Variants in TCF12 observed in about 807,000 individuals in gnomAD.
The protein encoded by TCF12 is transcription factor 12.
Under a neutral mutation model 86.0 loss-of-function variants are expected in TCF12, and 45 were observed. The ratio of observed to expected loss-of-function variants is 0.52; its 90% CI spans 0.41 to 0.67. The LOEUF (loss-of-function observed/expected upper bound fraction) is 0.67. TCF12 is among the 30% of genes least tolerant of loss of function. The pLI, the probability that TCF12 is intolerant of heterozygous loss-of-function variation, is 0.00. For synonymous variants in TCF12, 330 were observed against 299.6 expected, an observed-to-expected ratio of 1.10 and a Z score of -1.05; for missense variants, 881 against 859.9, an observed-to-expected ratio of 1.02 and a Z score of -0.31.
chr15:57,028,737 A>G (rs1314631922), intron 3 of TCF12, among the ~76,000 whole-genome samples: 2 of 152,178 alleles, frequency 1.3e-5, no homozygotes, highest in Non-Finnish European at 2.9e-5. Flanking sequence ...GCTTACTGCA[A>G]AATTGTGAAG....
intron 3 of TCF12, among the ~76,000 whole-genome samples, chr15:56,927,129 G>A (rs577716025): frequency 6.6e-6 from 1 of 152,284 alleles, no homozygotes; most frequent in African/African-American, 2.4e-5. Context: ...TGACATAATT[G>A]GAGGATAGTA....
intron 3 of TCF12, among the ~76,000 whole-genome samples, chr15:56,940,887 A>G (rs2060736574): frequency 6.7e-6 from 1 of 150,044 alleles, no homozygotes; most frequent in Non-Finnish European, 1.5e-5. Flanking sequence ...TCCTGAGGAT[A>G]ACAGGTGTGC....
chr15:56,958,935 G>C (rs2061620669), intron 3 of TCF12, among the ~76,000 whole-genome samples: 1 of 152,052 alleles, frequency 6.6e-6, no homozygotes, highest in Non-Finnish European at 1.5e-5. Flanking sequence ...CTTATCTAGT[G>C]GATTGTGAAA....
chr15:57,012,302 T>C (rs1269944271), intron 3 of TCF12, among the ~76,000 whole-genome samples: 1 of 152,198 alleles, frequency 6.6e-6, no homozygotes, highest in African/African-American at 2.4e-5. Context: ...GTAATAGATA[T>C]ATACACTGAG....
At chr15:57,151,230 C>T (rs2053736426) in intron 5 of TCF12, among the ~76,000 whole-genome samples, 1 of 150,888 alleles carries the variant, frequency 6.6e-6, no homozygotes, top group Non-Finnish European at 1.5e-5. Flanking sequence ...ATTCTCCTGC[C>T]TTCGTCCCCT....
chr15:56,921,296 C>T (rs190244549), intron 3 of TCF12, among the ~76,000 whole-genome samples, 198 bp downstream of exon 3: 9 of 151,988 alleles, frequency 5.9e-5, no homozygotes, highest in Admixed American at 4.6e-4. Flanking sequence ...TCAGTAGTTT[C>T]GTTTACAATT....
chr15:57,132,709 T>A (rs1252961733), intron 5 of TCF12, among the ~76,000 whole-genome samples: 2 of 152,230 alleles, frequency 1.3e-5, no homozygotes, highest in African/African-American at 4.8e-5. Flanking sequence ...ATTTTTCTTT[T>A]TAAATTGTGT....
intron 5 of TCF12, among the ~76,000 whole-genome samples, chr15:57,099,356 T>TTA (rs1232843786): frequency 1.3e-5 from 2 of 152,124 alleles, no homozygotes; most frequent in Non-Finnish European, 2.9e-5. Context: ...TGGACTCAGA[T>TTA]CCCTCTTATC....
At chr15:57,281,268 A>G (rs1433167985) in intron 19 of TCF12, among the ~76,000 whole-genome samples, 5 of 152,152 alleles carry the variant, frequency 3.3e-5, no homozygotes, top group Admixed American at 3.3e-4. Context: ...GATCCCACGC[A>G]GTCTTGTTTG....
intron 18 of TCF12, among the ~76,000 whole-genome samples, chr15:57,266,090 T>G (rs1413345428): frequency 0.21 from 8,381 of 39,522 alleles, 386 homozygotes; most frequent in African/African-American, 0.49. Context: ...GTTTTTATTA[T>G]TTATTTATTT....
chr15:57,188,516 A>T (rs1338408264), intron 6 of TCF12, among the ~76,000 whole-genome samples: 1 of 152,222 alleles, frequency 6.6e-6, no homozygotes, highest in East Asian at 1.9e-4. Flanking sequence ...TAGCCACAAC[A>T]ATACTGAAAA....
rs113224432 is a variant in TCF12 at position 57,264,648 on chromosome 15, C to T, written c.1745+1374C>T. 1.2e-3 allele frequency among the ~76,000 whole-genome samples: 184 copies of T among 152,290 alleles called. 4 individuals are homozygous for T. Among genetic ancestry groups the T allele is most frequent in the African/African-American group, 4.3e-3 (180 of 41,550 alleles). On this transcript the variant is annotated intron_variant, in intron 18 of 20. Transcript: ENST00000333725. ...AGATCATTAATATCACTGTCTTCCA[C>T]CTCCACATCTTGTCCCACTGAATGT...
intron 8 of TCF12, among the ~76,000 whole-genome samples, chr15:57,228,058 C>A (rs1008199271): frequency 1.3e-5 from 2 of 151,892 alleles, no homozygotes; most frequent in African/African-American, 4.8e-5. Flanking sequence ...ATGACATAAG[C>A]AGTCTGATTT....
intron 3 of TCF12, among the ~76,000 whole-genome samples, chr15:56,966,298 C>A (rs2061998911): frequency 6.6e-6 from 1 of 152,142 alleles, no homozygotes; most frequent in Admixed American, 6.5e-5. Context: ...GGCAAAAAAG[C>A]TAGGTTTTGC....
In TCF12 at chr15:57,020,108, T is replaced by C. The variant is rs555002083; in HGVS notation, c.149-43642T>C. On this transcript the variant is annotated intron_variant, in intron 3 of 20. Coordinates refer to ENST00000333725, the MANE Select transcript of TCF12 (RefSeq NM_207037.2). ...CTTTGCAAAGGCGATTTCACATTTA[T>C]AAAAACCCAGTCATGTTTAATTGTA... is the stretch of plus-strand genomic sequence containing the variant. Among the ~76,000 whole-genome samples, 59 of 152,284 alleles carry C rather than the reference T, an allele frequency of 3.9e-4. 1 individual carries two copies. The South Asian group carries it at 0.012, about 31-fold the overall frequency.
chr15:57,130,903 A>C (rs532194170), intron 5 of TCF12, among the ~76,000 whole-genome samples: 1 of 152,350 alleles, frequency 6.6e-6, no homozygotes, highest in East Asian at 1.9e-4. Flanking sequence ...CTGGTCCAAA[A>C]GTCACAAAAT....
intron 3 of TCF12, among the ~76,000 whole-genome samples, chr15:56,938,251 C>T (rs1274535959): frequency 1.3e-5 from 2 of 151,704 alleles, no homozygotes; most frequent in Non-Finnish European, 2.9e-5. Context: ...ACCTCTGACT[C>T]CCTGGTTCAA....
chr15:56,997,911 G>T (rs2063798608), intron 3 of TCF12, among the ~76,000 whole-genome samples: 1 of 152,142 alleles, frequency 6.6e-6, no homozygotes, highest in African/African-American at 2.4e-5. Context: ...AACCCTAGTG[G>T]CTATATTAAT....
intron 3 of TCF12, among the ~76,000 whole-genome samples, chr15:56,962,132 CAAAAAAAAAAAAA>C (rs397853683): frequency 4.8e-5 from 3 of 63,022 alleles, no homozygotes; most frequent in Non-Finnish European, 1.1e-4. Flanking sequence ...GACTCCGTCT[CAAAAAAAAAAAAA>C]AAAAAAAAAA....
Sources: gnomAD v4.1 joint callset for allele counts (sites outside exome capture counted in the v4.1 genomes callset) on GRCh38, gnomAD v4.1.1 for gene constraint, MANE v1.5 for transcripts, NCBI Gene and HGNC (gene_info 2026-07-23, HGNC 2026-07-21) for gene names.